The following TBCA variants were observed in gnomAD, a reference collection of about 807,000 sequenced individuals.
TBCA encodes tubulin folding cofactor A.
In TBCA, 6 loss-of-function variants were observed where a neutral mutation model predicts 15.8. The ratio of observed to expected loss-of-function variants is 0.38; its 90% CI spans 0.21 to 0.75. The LOEUF is 0.75. Among genes scored for constraint, TBCA ranks in the 30% least tolerant of loss-of-function variants. The pLI, the probability that TBCA is intolerant of heterozygous loss-of-function variation, is 0.46. For missense variants in TBCA, 90 were observed against 131.2 expected, an observed-to-expected ratio of 0.69 and a Z score of 1.53; for synonymous variants, 32 against 42.3, an observed-to-expected ratio of 0.76 and a Z score of 0.94.
intron 1 of TBCA, among the ~76,000 whole-genome samples, chr5:77,739,589 T>G (rs1746986902): frequency 6.6e-6 from 1 of 152,210 alleles, no homozygotes; most frequent in Admixed American, 6.5e-5. Flanking sequence ...TTTTTAAACA[T>G]CAAGAGACCC....
intron 3 of TBCA, chr5:77,692,104 G>A (rs1239431279): frequency 4.1e-6 from 4 of 982,122 alleles, no homozygotes; most frequent in Admixed American, 6.2e-5. Context: ...CTAATATATT[G>A]TAATGATAAC....
At chr5:77,694,882 A>C (rs1471056347) in intron 2 of TBCA, among the ~76,000 whole-genome samples, 2 of 152,202 alleles carry the variant, frequency 1.3e-5, no homozygotes, top group Admixed American at 6.5e-5. Flanking sequence ...TTTACTAATA[A>C]GGCACAGGTT....
intron 1 of TBCA, among the ~76,000 whole-genome samples, chr5:77,773,795 G>T (rs765210454): frequency 6.6e-6 from 1 of 152,214 alleles, no homozygotes; most frequent in Non-Finnish European, 1.5e-5. Flanking sequence ...GGGCGAACAG[G>T]AAGAAGCCAG....
intron 1 of TBCA, among the ~76,000 whole-genome samples, chr5:77,747,270 C>G (rs917144208): frequency 6.6e-6 from 1 of 151,874 alleles, no homozygotes; most frequent in Admixed American, 6.6e-5. Flanking sequence ...AAAATCAAAT[C>G]GAAGAACTAC....
At chr5:77,699,482 A>T (rs1167050543) in intron 2 of TBCA, among the ~76,000 whole-genome samples, 1 of 152,228 alleles carries the variant, frequency 6.6e-6, no homozygotes, top group East Asian at 1.9e-4. Flanking sequence ...ATTCAATGAA[A>T]GGAAGACAGC....
intron 2 of TBCA, 166 bp from the exon 3 acceptor site, chr5:77,693,518 G>T (rs1180396370): frequency 4.5e-6 from 4 of 880,638 alleles, no homozygotes; most frequent in Non-Finnish European, 6.9e-6. Context: ...AGTTAGAAAG[G>T]CCAGGCACAG....
intron 1 of TBCA, among the ~76,000 whole-genome samples, chr5:77,758,539 G>A (rs921227729): frequency 4.6e-5 from 7 of 152,196 alleles, no homozygotes; most frequent in Non-Finnish European, 7.3e-5. Context: ...GTAGCTTGCC[G>A]ATGCTCCCAG....
chr5:77,759,214 A>G (rs1187716644), intron 1 of TBCA, among the ~76,000 whole-genome samples: 2 of 152,228 alleles, frequency 1.3e-5, no homozygotes, highest in African/African-American at 4.8e-5. Context: ...TCCAGGTCAT[A>G]GGTAGATTTA....
chr5:77,703,322 A>G (rs928963059), intron 2 of TBCA, among the ~76,000 whole-genome samples: 2 of 152,172 alleles, frequency 1.3e-5, no homozygotes, highest in African/African-American at 4.8e-5. Context: ...GCCAATCATT[A>G]TGCCCCAGGA....
intron 1 of TBCA, among the ~76,000 whole-genome samples, chr5:77,751,914 G>A (rs769513886): frequency 7.9e-5 from 12 of 152,164 alleles, no homozygotes; most frequent in African/African-American, 1.4e-4. Context: ...GTCTTCTTGC[G>A]CTCAGTCAGT....
chr5:77,724,203 C>T (rs980722557), intron 1 of TBCA, among the ~76,000 whole-genome samples: 3 of 151,980 alleles, frequency 2.0e-5, no homozygotes, highest in African/African-American at 4.8e-5. Flanking sequence ...TTTTGACTTA[C>T]CACTTTTAAA....
intron 1 of TBCA, among the ~76,000 whole-genome samples, chr5:77,737,462 C>T (rs1370716253): frequency 3.9e-5 from 6 of 152,204 alleles, no homozygotes; most frequent in South Asian, 4.2e-4. Context: ...AGTTACTTAT[C>T]GACACTCTAA....
chr5:77,724,045 A>T (rs1746579583), intron 1 of TBCA, among the ~76,000 whole-genome samples: 1 of 152,046 alleles, frequency 6.6e-6, no homozygotes, highest in African/African-American at 2.4e-5. Flanking sequence ...CAAAGGTACA[A>T]CTTGTTTTCT....
At chr5:77,713,996 G>C (rs58072249) in intron 1 of TBCA, among the ~76,000 whole-genome samples, 3,493 of 122,428 alleles carry the variant, frequency 0.029, 135 homozygotes, top group African/African-American at 0.095. Context: ...GACGCACACA[G>C]AATCCATTGA....
rs572914061 is a variant in TBCA at position 77,722,771 on chromosome 5, T to C, written c.54-14424A>G. 3.9e-5 allele frequency among the ~76,000 whole-genome samples: 6 copies of C among 152,002 alleles called. No individual in the cohort carries two copies. The East Asian group carries it at 1.2e-3, about 29-fold the overall frequency. The stretch of plus-strand genomic sequence containing the variant: ...ACTGATAAATTTGTTCCTAAATTTC[T>C]AAGGTGTAGTTCTACACAACATTAA... On this transcript the variant is annotated intron_variant, in intron 1 of 3. Transcript: ENST00000380377.
In TBCA at chr5:77,771,210, GA is replaced by G. The variant is rs530810961; in HGVS notation, c.53+4994del. On this transcript the variant is annotated intron_variant, in intron 1 of 3. Coordinates refer to ENST00000380377, the MANE Select transcript of TBCA (RefSeq NM_004607.3). ...TTTCACAGCAAGAATTAGTCCTCAG[GA>G]AAAAAAAAAAAGTATACATGTAACA... 8.1e-3 allele frequency among the ~76,000 whole-genome samples: 1,148 copies of G among 141,844 alleles called. 19 individuals carry two copies. The highest frequency in any genetic ancestry group is 0.026 in the African/African-American group (1,005 of 38,854). The allele number at this position is 141,844 out of a possible 152,430, so 93.1% of individuals were successfully genotyped here. A position where few individuals can be genotyped will look rare whatever the true frequency, so the allele number is the denominator to read the frequency against.
intron 2 of TBCA, among the ~76,000 whole-genome samples, chr5:77,696,640 C>T (rs1745877083): frequency 6.6e-6 from 1 of 152,076 alleles, no homozygotes; most frequent in African/African-American, 2.4e-5. Flanking sequence ...AAAATCAGGG[C>T]TAGGCATGGT....
At chr5:77,760,388 T>TTTTTC (rs1747586825) in intron 1 of TBCA, among the ~76,000 whole-genome samples, 1 of 152,164 alleles carries the variant, frequency 6.6e-6, no homozygotes. Context: ...TCCTTCCTCC[T>TTTTTC]TTTTCCTTTC....
chr5:77,696,455 C>T (rs1038976567), intron 2 of TBCA, among the ~76,000 whole-genome samples: 7 of 152,044 alleles, frequency 4.6e-5, no homozygotes, highest in Non-Finnish European at 8.8e-5. Flanking sequence ...TGGGCCCTTA[C>T]GCTCTAATGT....
Sources: gnomAD v4.1 joint callset for allele counts (sites outside exome capture counted in the v4.1 genomes callset) on GRCh38, gnomAD v4.1.1 for gene constraint, MANE v1.5 for transcripts, NCBI Gene and HGNC (gene_info 2026-07-23, HGNC 2026-07-21) for gene names.